The following ZFAND3 variants were observed in gnomAD, a reference collection of about 807,000 sequenced individuals.
ZFAND3 encodes the protein AN1-type zinc finger protein 3.
Under a neutral mutation model 29.6 loss-of-function variants are expected in ZFAND3, and 10 were observed. The ratio of observed to expected loss-of-function variants is 0.34; its 90% CI spans 0.21 to 0.57. ZFAND3 has a LOEUF of 0.57. ZFAND3 is among the 20% of genes least tolerant of loss of function. ZFAND3 has a pLI of 0.86. For missense variants in ZFAND3, 230 were observed against 304.5 expected, an observed-to-expected ratio of 0.76 and a Z score of 1.82; for synonymous variants, 128 against 112.6, an observed-to-expected ratio of 1.14 and a Z score of -0.87.
intron 1 of ZFAND3, among the ~76,000 whole-genome samples, chr6:37,901,125 C>T (rs1019074989): frequency 6.6e-6 from 1 of 152,044 alleles, no homozygotes; most frequent in Non-Finnish European, 1.5e-5. Flanking sequence ...GGGAGCAAGC[C>T]GTCCAATTTT....
chr6:38,142,446 G>A (rs1050219888), intron 5 of ZFAND3: 8 of 436,796 alleles, frequency 1.8e-5, no homozygotes, highest in South Asian at 9.8e-5. Context: ...ACCCCCATGG[G>A]CCCAGGCTGT....
chr6:37,916,868 G>C (rs1471338338), intron 1 of ZFAND3, among the ~76,000 whole-genome samples: 2 of 152,252 alleles, frequency 1.3e-5, no homozygotes, highest in African/African-American at 4.8e-5. Flanking sequence ...TCCTGCCCTG[G>C]TGGCGAATCA....
intron 2 of ZFAND3, among the ~76,000 whole-genome samples, chr6:37,959,020 T>C (rs1036487052): frequency 2.0e-5 from 3 of 152,212 alleles, no homozygotes; most frequent in Non-Finnish European, 4.4e-5. Flanking sequence ...TACCCATTTG[T>C]TGGCTTCAGT....
chr6:38,144,191 A>ATTATATATATATATAT (rs1454244015), intron 5 of ZFAND3, among the ~76,000 whole-genome samples: 38 of 41,798 alleles, frequency 9.1e-4, no homozygotes, highest in African/African-American at 4.2e-3. Flanking sequence ...TATAATATAT[A>ATTATATATATATATAT]TATATATATA....
chr6:37,909,683 C>G lies in ZFAND3; in HGVS notation c.72-20276C>G, dbSNP rs564092128. Among the ~76,000 whole-genome samples the G allele has an allele frequency of 1.4e-4, 20 of 140,348 alleles. No individual in the cohort carries two copies. In the South Asian group the frequency reaches 3.5e-3, roughly 25 times the overall value. 92.1% of individuals were successfully genotyped at this position (140,348 alleles called of 152,430 possible). A position where few individuals can be genotyped will look rare whatever the true frequency, so the allele number is the denominator to read the frequency against. On this transcript the variant is annotated intron_variant, in intron 1 of 5. Transcript: ENST00000287218. ...TTGGTGGAGTTTCCTGTTTTGTCCT[C>G]TGCATTTCTGAAATTGCTTATACTA... is the stretch of plus-strand genomic sequence containing the variant.
At chr6:37,823,389 GCCTCTC>G (rs1763701668) in intron 1 of ZFAND3, among the ~76,000 whole-genome samples, 1 of 152,172 alleles carries the variant, frequency 6.6e-6, no homozygotes, top group Non-Finnish European at 1.5e-5. Context: ...TTGCTGAGGA[GCCTCTC>G]AGCAGAATGT....
chr6:37,919,761 G>A (rs552567734), intron 1 of ZFAND3, among the ~76,000 whole-genome samples: 76 of 152,282 alleles, frequency 5.0e-4, no homozygotes, highest in African/African-American at 1.6e-3. Flanking sequence ...CCAGAAATAA[G>A]TATTAAATCT....
chr6:37,873,131 C>T (rs947925145), intron 1 of ZFAND3, among the ~76,000 whole-genome samples: 3 of 152,144 alleles, frequency 2.0e-5, no homozygotes, highest in Middle Eastern at 3.2e-3. Flanking sequence ...ATTAGCCAGG[C>T]GCGGTGGCGG....
intron 2 of ZFAND3, among the ~76,000 whole-genome samples, chr6:37,941,727 C>T (rs1372373278): frequency 6.6e-6 from 1 of 152,106 alleles, no homozygotes; most frequent in Non-Finnish European, 1.5e-5. Flanking sequence ...AGATGAATTT[C>T]GTATTTAGAC....
At chr6:37,928,423 T>A (rs926436635) in intron 1 of ZFAND3, among the ~76,000 whole-genome samples, 1 of 152,066 alleles carries the variant, frequency 6.6e-6, no homozygotes, top group Non-Finnish European at 1.5e-5. Flanking sequence ...CTCCAGGAGG[T>A]CTTTGGAAGG....
At chr6:38,002,513 T>C (rs1237752857) in intron 2 of ZFAND3, among the ~76,000 whole-genome samples, 1 of 151,894 alleles carries the variant, frequency 6.6e-6, no homozygotes, top group Non-Finnish European at 1.5e-5. Flanking sequence ...ATCCCGTCTC[T>C]ACAAAAAATC....
At chr6:37,984,218 A>G (rs1385648385) in intron 2 of ZFAND3, among the ~76,000 whole-genome samples, 2 of 152,260 alleles carry the variant, frequency 1.3e-5, no homozygotes, top group Non-Finnish European at 2.9e-5. Flanking sequence ...AAGATAGAGC[A>G]TGAAATTTCT....
intron 1 of ZFAND3, among the ~76,000 whole-genome samples, chr6:37,850,848 C>T (rs1483203252): frequency 6.6e-6 from 1 of 152,168 alleles, no homozygotes; most frequent in Non-Finnish European, 1.5e-5. Context: ...AGTCCTTCTG[C>T]CTCAGCCTCC....
At chr6:37,960,692 A>G (rs551535023) in intron 2 of ZFAND3, among the ~76,000 whole-genome samples, 274 of 152,250 alleles carry the variant, frequency 1.8e-3, no homozygotes, top group Non-Finnish European at 3.4e-3. Flanking sequence ...GTATAGAAAC[A>G]GAAACTTCTC....
At chr6:37,856,949 CCTT>C (rs1001219822) in intron 1 of ZFAND3, among the ~76,000 whole-genome samples, 15 of 127,042 alleles carry the variant, frequency 1.2e-4, no homozygotes, top group African/African-American at 3.4e-4. Flanking sequence ...TAACTCTTGA[CCTT>C]TTTTTTTTTG....
intron 3 of ZFAND3, among the ~76,000 whole-genome samples, chr6:38,077,460 A>G (rs1287049202): frequency 4.6e-5 from 7 of 152,202 alleles, no homozygotes; most frequent in Non-Finnish European, 1.0e-4. Flanking sequence ...AGAAAATTGA[A>G]GTGTTACAGA....
intron 5 of ZFAND3, among the ~76,000 whole-genome samples, chr6:38,137,790 C>T (rs1383038666): frequency 6.6e-6 from 1 of 151,894 alleles, no homozygotes; most frequent in Non-Finnish European, 1.5e-5. Flanking sequence ...AGAGCAGTGC[C>T]CTAGACAGAA....
At chr6:37,883,529 C>CCTTTT (rs992578424) in intron 1 of ZFAND3, among the ~76,000 whole-genome samples, 5 of 117,524 alleles carry the variant, frequency 4.3e-5, no homozygotes, top group African/African-American at 1.9e-4. Flanking sequence ...ATGATGTATA[C>CCTTTT]CTTTTCTTTT....
Position 37,945,178 on chromosome 6 carries a change from CT to C in ZFAND3, c.112+15183del, listed in dbSNP as rs558833613. Among the ~76,000 whole-genome samples, 243 of 152,286 alleles carry C rather than the reference CT, an allele frequency of 1.6e-3. 1 individual carries two copies. Among genetic ancestry groups the C allele is most frequent in the African/African-American group, 5.2e-3 (218 of 41,572 alleles). ...CTTAGCTAGCTTAACCCACACTCTG[CT>C]TTTCAGGGTCTTCTTGGCTCCTAGC... On this transcript the variant is annotated intron_variant, in intron 2 of 5. Transcript: ENST00000287218.
Sources: allele counts gnomAD v4.1 joint callset (sites outside exome capture counted in the v4.1 genomes callset), GRCh38; gene constraint gnomAD v4.1.1; transcripts MANE v1.5; gene names NCBI Gene and HGNC (gene_info 2026-07-23, HGNC 2026-07-21).